Variants in NUDT2 observed in about 807,000 individuals in gnomAD.
NUDT2 encodes the protein bis(5'-nucleosyl)-tetraphosphatase [asymmetrical].
In NUDT2, 12 loss-of-function variants were observed where a neutral mutation model predicts 14.2. The ratio of observed to expected loss-of-function variants is 0.84; its 90% confidence interval spans 0.54 to 1.37. The LOEUF is 1.37. NUDT2 is among the 40% of genes most tolerant of loss of function. NUDT2 has a pLI of 0.00. For synonymous variants in NUDT2, 67 were observed against 67.4 expected (o/e 0.99, Z 0.03); for missense variants, 167 against 176.7 (o/e 0.95, Z 0.31).
chr9:34,337,369 G>A (rs1227213267), intron 2 of NUDT2, among the ~76,000 whole-genome samples: 1 of 152,162 alleles, frequency 6.6e-6, no homozygotes, highest in Admixed American at 6.5e-5. Context: ...CTGGCTCTTA[G>A]GGAATGTGCA....
At chr9:34,338,966 C>A (rs1002101133) in intron 3 of NUDT2, 58 bp from the exon 4 acceptor site, 2 of 1,460,180 alleles carry the variant, frequency 1.4e-6, no homozygotes, top group East Asian at 2.3e-5. Flanking sequence ...TGCTACCCCC[C>A]AGTATGGAGC....
At chr9:34,330,968 A>T (rs1837911406) in intron 1 of NUDT2, among the ~76,000 whole-genome samples, 1 of 151,758 alleles carries the variant, frequency 6.6e-6, no homozygotes, top group Non-Finnish European at 1.5e-5. Context: ...CTCAAAAAAA[A>T]AAAGGTAGCT....
intron 1 of NUDT2, among the ~76,000 whole-genome samples, chr9:34,330,906 A>G (rs1837906693): frequency 6.6e-6 from 1 of 152,024 alleles, no homozygotes; most frequent in Non-Finnish European, 1.5e-5. Context: ...GTTTGCAGAG[A>G]GCAGAGATCG....
Position 34,343,574 on chromosome 9 carries a change from C to G in NUDT2, c.*134C>G, listed in dbSNP as rs1820251973. 1 of 811,932 alleles carries G rather than the reference C, an allele frequency of 1.2e-6. No homozygotes were observed. The highest frequency in any genetic ancestry group is 1.7e-5 in the African/African-American group (1 of 57,858). 50.3% of individuals were successfully genotyped at this position (811,932 alleles called of 1,614,324 possible). A position where few individuals can be genotyped will look rare whatever the true frequency, so the allele number is the denominator to read the frequency against. On this transcript the variant is annotated 3_prime_UTR_variant, in exon 5 of 5. Transcript: ENST00000379158. ...CAAGAGCAGATTTGTGAAATCGGCT[C>G]AACTCCCAGGTGAGAGCAAGCAAAA...
intron 1 of NUDT2, among the ~76,000 whole-genome samples, chr9:34,330,134 T>C (rs1837854622): frequency 6.6e-6 from 1 of 152,232 alleles, no homozygotes; most frequent in Non-Finnish European, 1.5e-5. Context: ...CCGGGTGCGG[T>C]GGCTCACGCC....
intron 1 of NUDT2, among the ~76,000 whole-genome samples, chr9:34,333,997 T>C (rs1363912735): frequency 6.6e-6 from 1 of 152,190 alleles, no homozygotes; most frequent in East Asian, 1.9e-4. Flanking sequence ...ACAGTATATA[T>C]AGATGCTTAA....
chr9:34,343,414 C>T lies in NUDT2; in HGVS notation c.418C>T (p.Gln140Ter), dbSNP rs778998275. 2 of 1,604,866 alleles carry T rather than the reference C, an allele frequency of 1.2e-6. No individual in the cohort carries two copies. Among genetic ancestry groups the T allele is most frequent in the South Asian group, 2.2e-5 (2 of 89,834 alleles). The change falls in exon 5 of 5, where the codon CAG becomes TAG. Residue 140 changes from glutamine (Q) to a stop codon, truncating the protein, a stop_gained. Coordinates refer to ENST00000379158, the MANE Select transcript of NUDT2 (RefSeq NM_001161.5). LOFTEE classifies it high-confidence loss of function. ...GAAGGCAGCGCTCCAAGAAGGACAC[C>T]AGTTTCTTTGCTCCATAGAGGCCTG... The part of the protein sequence containing the change: ...EMKAALQEGH[Q>*]FLCSIEA
intron 1 of NUDT2, among the ~76,000 whole-genome samples, chr9:34,334,774 A>G (rs928717368): frequency 6.6e-6 from 1 of 152,182 alleles, no homozygotes; most frequent in African/African-American, 2.4e-5. Context: ...GAGATTTACT[A>G]TACTAGGTAT....
In NUDT2 at chr9:34,339,140, G is replaced by A. The variant is rs765834203; in HGVS notation, c.101G>A (p.Gly34Asp). 3.7e-5 allele frequency: 60 copies of A among 1,613,890 alleles called. No individual in the cohort carries two copies. The highest frequency in any genetic ancestry group is 3.2e-4 in the Admixed American group (19 of 60,000). The change falls in exon 4 of 5, where the codon GGC (glycine) becomes GAC (aspartate). Residue 34 changes from glycine (G) to aspartate (D), a missense_variant. Coordinates refer to ENST00000379158, the MANE Select transcript of NUDT2 (RefSeq NM_001161.5). Reference sequence around the variant, plus strand: ...TTTTTACTGCTGCAGGCATCAGATGGCATTCATCACTGGACTCCTCCCAAA... The same window carrying A: ...TTTTTACTGCTGCAGGCATCAGATGACATTCATCACTGGACTCCTCCCAAA... Reference protein sequence around the residue: ...IEFLLLQASDGIHHWTPPKGH... With the variant: ...IEFLLLQASDDIHHWTPPKGH...
chr9:34,342,900 C>T (rs187459177), intron 4 of NUDT2, among the ~76,000 whole-genome samples: 2 of 152,140 alleles, frequency 1.3e-5, no homozygotes, highest in East Asian at 3.9e-4. Context: ...GTGGCACATG[C>T]CTGTTGTTCT....
intron 1 of NUDT2, among the ~76,000 whole-genome samples, chr9:34,333,454 C>T (rs1427292877): frequency 6.6e-6 from 1 of 151,714 alleles, no homozygotes; most frequent in Non-Finnish European, 1.5e-5. Context: ...TAGCAAGACC[C>T]CATCTCTACA....
intron 1 of NUDT2, among the ~76,000 whole-genome samples, chr9:34,335,292 C>T (rs1838062968): frequency 1.3e-5 from 2 of 152,216 alleles, no homozygotes; most frequent in South Asian, 4.1e-4. Flanking sequence ...ACCTCACATC[C>T]AGTTTTCTTC....
intron 1 of NUDT2, among the ~76,000 whole-genome samples, chr9:34,332,947 T>C (rs1303880841): frequency 6.6e-6 from 1 of 152,004 alleles, no homozygotes; most frequent in African/African-American, 2.4e-5. Context: ...AACTGGCAAA[T>C]TGGAAAAAAG....
chr9:34,341,803 C>T (rs1410349243), intron 4 of NUDT2, among the ~76,000 whole-genome samples: 1 of 152,204 alleles, frequency 6.6e-6, no homozygotes, highest in Non-Finnish European at 1.5e-5. Context: ...AGCCACCGCC[C>T]CTGGACCCTG....
intron 1 of NUDT2, among the ~76,000 whole-genome samples, chr9:34,329,981 C>T (rs1415362985): frequency 6.6e-6 from 1 of 152,238 alleles, no homozygotes; most frequent in African/African-American, 2.4e-5. Flanking sequence ...GCCTGCTTTC[C>T]AAAAGAGATT....
intron 1 of NUDT2, among the ~76,000 whole-genome samples, chr9:34,333,565 ATGCAGTGAGCTCTTGAGGC>A (rs754423912): frequency 1.4e-3 from 187 of 137,056 alleles, no homozygotes; most frequent in Non-Finnish European, 2.1e-3. Context: ...CCCAGAAGGG[ATGCAGTGAGCTCTTGAGGC>A]TGCAGTGAGC....
chr9:34,339,976 C>T (rs1000397722), intron 4 of NUDT2, among the ~76,000 whole-genome samples: 2 of 151,948 alleles, frequency 1.3e-5, no homozygotes, highest in African/African-American at 2.4e-5. Flanking sequence ...GCTTTGTCGC[C>T]CAGGCTGGAG....
At chr9:34,339,936 C>A (rs1464808060) in intron 4 of NUDT2, among the ~76,000 whole-genome samples, 14 of 112,762 alleles carry the variant, frequency 1.2e-4, no homozygotes, top group Admixed American at 1.1e-3. Context: ...TTAGGTTTTT[C>A]TTTTCTTTTT....
Position 34,343,276 on chromosome 9 carries a change from T to C in NUDT2, c.280T>C (p.Trp94Arg), listed in dbSNP as rs771745920. 18 of 1,611,982 alleles carry C rather than the reference T, an allele frequency of 1.1e-5. No homozygotes were observed. The highest frequency in any genetic ancestry group is 1.4e-5 in the Non-Finnish European group (17 of 1,179,524). ...ARNKPKTVIY[W>R]LAEVKDYDVE... ...GAACAAGCCTAAAACAGTCATTTAC[T>C]GGCTGGCGGAGGTGAAGGACTATGA... Residue 94 changes from tryptophan to arginine, a missense_variant, in exon 5 of 5, where the codon TGG becomes CGG. Transcript: ENST00000379158.
Sources: allele counts gnomAD v4.1 joint callset (sites outside exome capture counted in the v4.1 genomes callset), GRCh38; gene constraint gnomAD v4.1.1; transcripts MANE v1.5; gene names NCBI Gene and HGNC (gene_info 2026-07-23, HGNC 2026-07-21).